The following DUSP16 variants were observed in gnomAD, a reference collection of about 807,000 sequenced individuals.
DUSP16 encodes dual specificity protein phosphatase 16.
Under a neutral mutation model 58.3 loss-of-function variants are expected in DUSP16, and 21 were observed. That is an observed-to-expected ratio of 0.36 (90% CI 0.26 to 0.52). The LOEUF (loss-of-function observed/expected upper bound fraction) is 0.52. Ranked by LOEUF, DUSP16 falls within the 20% of genes least tolerant of loss-of-function variation. DUSP16 has a pLI of 0.94. For missense variants in DUSP16, 726 were observed against 819.0 expected (o/e 0.89, Z 1.39); for synonymous variants, 320 against 323.8 (o/e 0.99, Z 0.12).
At chr12:12,542,388 G>GAAAAAAAAAAAAAAAAAAAAAAAAAAAA in intron 1 of DUSP16, among the ~76,000 whole-genome samples, 1 of 109,706 alleles carries the variant, frequency 9.1e-6, no homozygotes, top group Non-Finnish European at 1.8e-5. Flanking sequence ...AAAGAAAAGA[G>GAAAAAAAAAAAAAAAAAAAAAAAAAAAA]AAAAAAAAAA....
chr12:12,527,869 C>T (rs958652240), intron 1 of DUSP16, among the ~76,000 whole-genome samples: 1 of 152,192 alleles, frequency 6.6e-6, no homozygotes, highest in Non-Finnish European at 1.5e-5. Context: ...GCCGCCCCTC[C>T]AATCAGAGGT....
At chr12:12,553,819 GC>G (rs2136270828) in intron 1 of DUSP16, among the ~76,000 whole-genome samples, 1 of 152,270 alleles carries the variant, frequency 6.6e-6, no homozygotes, top group South Asian at 2.1e-4. Context: ...ACAGGCATGA[GC>G]CACCATGCCT....
At position 12,475,669 on chromosome 12, in the gene DUSP16, A is replaced by G. The variant is rs1421813796; in HGVS notation, c.*1164T>C. ...GCCCCATCGCATGCCGAGGGGATAA[A>G]AGCCACTAAGGAAACAGGTTTCCTG... On this transcript the variant is annotated 3_prime_UTR_variant, in exon 7 of 7. Coordinates refer to ENST00000298573, the MANE Select transcript of DUSP16 (RefSeq NM_030640.3). The G allele has an allele frequency of 6.6e-6, 1 of 152,218 alleles. No homozygotes were observed. Among genetic ancestry groups the G allele is most frequent in the Non-Finnish European group, 1.5e-5 (1 of 68,040 alleles). The allele number at this position is 152,218 out of a possible 1,614,324, so 9.4% of individuals were successfully genotyped here.
chr12:12,484,843 C>G (rs2136194631), intron 5 of DUSP16, among the ~76,000 whole-genome samples: 1 of 152,130 alleles, frequency 6.6e-6, no homozygotes, highest in South Asian at 2.1e-4. Flanking sequence ...CTCCAGCAAC[C>G]TCAGGTGATC....
chr12:12,511,033 T>G (rs1944070688), intron 3 of DUSP16, among the ~76,000 whole-genome samples: 1 of 152,182 alleles, frequency 6.6e-6, no homozygotes, highest in African/African-American at 2.4e-5. Context: ...ATTTTGTAAC[T>G]TATCTTAAGA....
At chr12:12,556,107 T>C (rs1944801932) in intron 1 of DUSP16, among the ~76,000 whole-genome samples, 2 of 152,192 alleles carry the variant, frequency 1.3e-5, no homozygotes, top group African/African-American at 4.8e-5. Flanking sequence ...ACTAAAGAAT[T>C]TCCTACCTTG....
intron 1 of DUSP16, among the ~76,000 whole-genome samples, chr12:12,543,257 T>A (rs142405355): frequency 2.0e-5 from 3 of 152,236 alleles, no homozygotes; most frequent in African/African-American, 7.2e-5. Flanking sequence ...AACTGTACTG[T>A]GGGTAGGAAA....
chr12:12,539,751 T>TAAA lies in DUSP16; in HGVS notation c.-365-18291_-365-18289dup, dbSNP rs71061077. On this transcript the variant is annotated intron_variant, in intron 1 of 6. Coordinates refer to ENST00000298573, the MANE Select transcript of DUSP16 (RefSeq NM_030640.3). ...TCTCAAGGTTGGGCCAGCAGTTATTTAAAAAAAAAAAAAAAAAGGCTGGGC... is the reference window on the plus strand; with the variant it reads ...TCTCAAGGTTGGGCCAGCAGTTATTTAAAAAAAAAAAAAAAAAAAAGGCTGGGC... 8.6e-3 allele frequency among the ~76,000 whole-genome samples: 1,195 copies of TAAA among 139,510 alleles called. 21 individuals are homozygous for TAAA. Among genetic ancestry groups the TAAA allele is most frequent in the African/African-American group, 0.029 (1,078 of 37,154 alleles). 91.5% of individuals were successfully genotyped at this position (139,510 alleles called of 152,430 possible).
chr12:12,533,477 A>G (rs1226909749), intron 1 of DUSP16, among the ~76,000 whole-genome samples: 1 of 152,216 alleles, frequency 6.6e-6, no homozygotes, highest in African/African-American at 2.4e-5. Context: ...GCGGCTAAAA[A>G]TAACTCTGGG....
chr12:12,529,358 C>T (rs1217796800), intron 1 of DUSP16, among the ~76,000 whole-genome samples: 1 of 152,232 alleles, frequency 6.6e-6, no homozygotes, highest in Non-Finnish European at 1.5e-5. Context: ...AATTCTCATA[C>T]ATTGGCCTCC....
intron 3 of DUSP16, among the ~76,000 whole-genome samples, chr12:12,503,523 C>T (rs1404808827): frequency 1.3e-5 from 2 of 152,080 alleles, no homozygotes; most frequent in African/African-American, 4.8e-5. Flanking sequence ...CAGTATCTAG[C>T]GCCATCTGTG....
intron 3 of DUSP16, among the ~76,000 whole-genome samples, chr12:12,504,525 G>A (rs1009054335): frequency 4.6e-5 from 7 of 152,046 alleles, no homozygotes; most frequent in Admixed American, 1.3e-4. Flanking sequence ...GCCTCCCACA[G>A]TGCTGGGTTT....
In DUSP16 at chr12:12,521,383, G is replaced by C; in HGVS notation, c.-285C>G. On this transcript the variant is annotated 5_prime_UTR_variant, in exon 2 of 7. The change creates a new upstream start codon in the 5' untranslated region. Transcript: ENST00000298573. ...CTGGAATAACCATTCCACAACAAAA[G>C]ATGCTTTGGAGCAGCCAGCGCATTA... 7.7e-7 allele frequency: 1 copy of C among 1,297,530 alleles called. No individual in the cohort carries two copies. Among genetic ancestry groups the C allele is most frequent in the Non-Finnish European group, 9.8e-7 (1 of 1,016,522 alleles). The allele number at this position is 1,297,530 out of a possible 1,614,324, so 80.4% of individuals were successfully genotyped here.
At chr12:12,488,374 C>T (rs16916539) in intron 4 of DUSP16, among the ~76,000 whole-genome samples, 9,709 of 152,216 alleles carry the variant, frequency 0.064, 437 homozygotes, top group East Asian at 0.18. Context: ...TAGTGTGTTA[C>T]CATTAACAGA....
intron 4 of DUSP16, among the ~76,000 whole-genome samples, chr12:12,487,444 ATTATC>A (rs1156424720): frequency 6.6e-6 from 1 of 152,216 alleles, no homozygotes; most frequent in Non-Finnish European, 1.5e-5. Flanking sequence ...TCAAGTCTCT[ATTATC>A]TTCATTACTA....
chr12:12,514,944 C>T (rs1592187237), intron 3 of DUSP16, among the ~76,000 whole-genome samples: 1 of 152,142 alleles, frequency 6.6e-6, no homozygotes, highest in East Asian at 1.9e-4. Flanking sequence ...CAGGCATAAG[C>T]CACCATGCCT....
At chr12:12,550,289 A>G in intron 1 of DUSP16, among the ~76,000 whole-genome samples, 1 of 149,116 alleles carries the variant, frequency 6.7e-6, no homozygotes, top group East Asian at 2.0e-4. Context: ...AAAAAAAAAA[A>G]TGTGTATCAG....
rs112855400 is a variant in DUSP16, at chr12:12,506,644, G to A, written c.368-5962C>T. Among the ~76,000 whole-genome samples the A allele has an allele frequency of 1.4e-3, 217 of 152,288 alleles. 1 individual carries two copies. The highest frequency in any genetic ancestry group is 5.0e-3 in the African/African-American group (209 of 41,550). On this transcript the variant is annotated intron_variant, in intron 3 of 6. Coordinates refer to ENST00000298573, the MANE Select transcript of DUSP16 (RefSeq NM_030640.3). ...CATGGACCTGAACCTAAGAATGACT[G>A]TGCCCCCTACTCTGGAAGTATCTGT...
chr12:12,486,671 T>A (rs2136197100), intron 5 of DUSP16, among the ~76,000 whole-genome samples: 3 of 152,320 alleles, frequency 2.0e-5, no homozygotes, highest in Admixed American at 2.0e-4. Context: ...ACAGGGAATA[T>A]TACCAAAGTT....
Sources: gnomAD v4.1 joint callset for allele counts (sites outside exome capture counted in the v4.1 genomes callset) on GRCh38, gnomAD v4.1.1 for gene constraint, MANE v1.5 for transcripts, NCBI Gene and HGNC (gene_info 2026-07-23, HGNC 2026-07-21) for gene names.